Variants in WTAP observed in about 807,000 individuals in gnomAD.
WTAP encodes WT1 associated protein, also known as pre-mRNA-splicing regulator WTAP.
WTAP carries 8 observed loss-of-function variants against 50.0 expected under a neutral mutation model. That is an observed-to-expected ratio of 0.16 (90% CI 0.09 to 0.29). WTAP has a LOEUF of 0.29. WTAP is among the 10% of genes least tolerant of loss of function. WTAP has a pLI of 1.00. For missense variants in WTAP, 295 were observed against 470.7 expected, an observed-to-expected ratio of 0.63 and a Z score of 3.45; for synonymous variants, 194 against 169.0, an observed-to-expected ratio of 1.15 and a Z score of -1.15.
At chr6:159,741,231 G>A (rs1779237607) in intron 3 of WTAP, among the ~76,000 whole-genome samples, 1 of 152,140 alleles carries the variant, frequency 6.6e-6, no homozygotes, top group Non-Finnish European at 1.5e-5. Flanking sequence ...TCAGGGTAGA[G>A]AAGTATAATG....
intron 3 of WTAP, among the ~76,000 whole-genome samples, chr6:159,739,957 T>G (rs1779150250): frequency 6.6e-6 from 1 of 151,722 alleles, no homozygotes; most frequent in Admixed American, 6.6e-5. Flanking sequence ...TGTCTTATGC[T>G]GAAGTATATA....
chr6:159,750,904 G>A lies in WTAP; in HGVS notation c.452+2535G>A, dbSNP rs372629887. On this transcript the variant is annotated intron_variant, in intron 6 of 7. Coordinates refer to ENST00000621533, the MANE Select transcript of WTAP (RefSeq NM_001270531.2). ...TGCTTTGGGTTGCGTGCACGCGCAC[G>A]CACGTGTGTGTCTTCGCTTTACTGT... Among the ~76,000 whole-genome samples, 4 of 152,364 alleles carry A rather than the reference G, an allele frequency of 2.6e-5. No homozygotes were observed. In the South Asian group the frequency reaches 6.2e-4, roughly 24 times the overall value.
intron 1 of WTAP, among the ~76,000 whole-genome samples, chr6:159,733,428 G>A (rs1778710013): frequency 6.6e-6 from 1 of 150,940 alleles, no homozygotes; most frequent in African/African-American, 2.4e-5. Flanking sequence ...ACCAGCCTGG[G>A]CAGCATGGCG....
intron 7 of WTAP, among the ~76,000 whole-genome samples, chr6:159,754,818 C>G (rs1779945344): frequency 2.0e-5 from 3 of 152,094 alleles, no homozygotes; most frequent in Admixed American, 2.0e-4. Context: ...GGAGGGCCAA[C>G]TGTATATTAT....
Position 159,748,654 on chromosome 6 carries a change from A to G in WTAP, c.452+285A>G, listed in dbSNP as rs1779707746. On this transcript the variant is annotated intron_variant, in intron 6 of 7. Transcript: ENST00000621533. The surrounding 1 kb of genome is among the most constrained non-coding windows in gnomAD (Gnocchi z 5.6). The stretch of plus-strand genomic sequence containing the variant: ...CTCCGAAAAATTCCCCTTCTAGAAC[A>G]TGTAGACACTTGAGAAATGTTTCTG... 7.9e-6 allele frequency: 10 copies of G among 1,267,102 alleles called. No individual in the cohort carries two copies. Among genetic ancestry groups the G allele is most frequent in the African/African-American group, 1.5e-5 (1 of 65,450 alleles). 78.5% of individuals were successfully genotyped at this position (1,267,102 alleles called of 1,614,324 possible).
chr6:159,735,952 G>A (rs773549516), intron 1 of WTAP, among the ~76,000 whole-genome samples: 2 of 151,908 alleles, frequency 1.3e-5, no homozygotes, highest in East Asian at 3.9e-4. Flanking sequence ...CCTTTATGGC[G>A]ACATCAAATG....
chr6:159,751,442 T>C (rs2114954109), intron 6 of WTAP, among the ~76,000 whole-genome samples: 1 of 152,346 alleles, frequency 6.6e-6, no homozygotes, highest in East Asian at 1.9e-4. Flanking sequence ...TTTGAGAGCA[T>C]AGGCAGTAAA....
At position 159,755,777 on chromosome 6, in the gene WTAP, T is replaced by TC; in HGVS notation, c.*166_*167insC. On this transcript the variant is annotated 3_prime_UTR_variant, in exon 8 of 8. Transcript: ENST00000621533. ...TTTTTTTTCTTTTCTTTTTTTTTTTTTTTTTTTTTTTTTGCTTCAATACTT... is the reference window on the plus strand; with the variant it reads ...TTTTTTTTCTTTTCTTTTTTTTTTTTCTTTTTTTTTTTTTGCTTCAATACTT... 2 of 1,039,722 alleles carry TC rather than the reference T, an allele frequency of 1.9e-6. No individual in the cohort carries two copies. Among genetic ancestry groups the TC allele is most frequent in the Non-Finnish European group, 2.5e-6 (2 of 812,972 alleles). 64.4% of individuals were successfully genotyped at this position (1,039,722 alleles called of 1,614,324 possible). A position where few individuals can be genotyped will look rare whatever the true frequency, so the allele number is the denominator to read the frequency against.
Position 159,748,920 on chromosome 6 carries a change from CA to C in WTAP, c.452+555del, listed in dbSNP as rs1779718066. On this transcript the variant is annotated intron_variant, in intron 6 of 7. Transcript: ENST00000621533. This position sits in a 1 kb window ranked among gnomAD's most constrained non-coding sequence, Gnocchi z 5.6. ...CATGATTGTTGTTGAACTTCTGGGT[CA>C]AAACTCAAATGAGGTGAATTTTGCC... The C allele has an allele frequency of 1.7e-6, 2 of 1,154,924 alleles. No individual in the cohort carries two copies. Among genetic ancestry groups the C allele is most frequent in the South Asian group, 8.8e-5 (2 of 22,790 alleles). 71.5% of individuals were successfully genotyped at this position (1,154,924 alleles called of 1,614,324 possible).
rs1442374180 is a variant in WTAP, at chr6:159,727,570, G to C, written c.-142G>C. Reference sequence around the variant, plus strand: ...AAAGGGGAGCGCAGGGGTTGCGGCGGGACTAGGAGCGCGGCGGGGCCGGCG... The same window carrying C: ...AAAGGGGAGCGCAGGGGTTGCGGCGCGACTAGGAGCGCGGCGGGGCCGGCG... On this transcript the variant is annotated 5_prime_UTR_variant, in exon 1 of 8. Transcript: ENST00000621533. 1.0e-5 allele frequency: 10 copies of C among 987,394 alleles called. No individual in the cohort carries two copies. In the Admixed American group the frequency reaches 2.5e-4, roughly 24 times the overall value. The allele number at this position is 987,394 out of a possible 1,614,324, so 61.2% of individuals were successfully genotyped here.
chr6:159,755,264 T>G lies in WTAP; in HGVS notation c.844T>G (p.Ser282Ala). 6.2e-7 allele frequency: 1 copy of G among 1,614,038 alleles called. No homozygotes were observed. The highest frequency in any genetic ancestry group is 8.5e-7 in the Non-Finnish European group (1 of 1,180,020). ...GACAAACGGACCAAGTAATGGTAGCTCCTCCCGCCAGAGGACGTCTGGGTC... is the reference window on the plus strand; with the variant it reads ...GACAAACGGACCAAGTAATGGTAGCGCCTCCCGCCAGAGGACGTCTGGGTC... Reference protein sequence around the residue: ...RLTNGPSNGSSSRQRTSGSGF... With the variant: ...RLTNGPSNGSASRQRTSGSGF... The change falls in exon 8 of 8, where the codon TCC (serine) becomes GCC (alanine). Residue 282 changes from serine (S) to alanine (A), a missense_variant. Transcript: ENST00000621533.
At chr6:159,736,460 A>T in intron 2 of WTAP, 165 bp downstream of exon 2, 1 of 558,250 alleles carries the variant, frequency 1.8e-6, no homozygotes, top group Non-Finnish European at 3.2e-6. Context: ...AGTGTGCCAG[A>T]TATTGTATCT....
chr6:159,731,380 A>G (rs1285645243), intron 1 of WTAP, among the ~76,000 whole-genome samples: 1 of 151,798 alleles, frequency 6.6e-6, no homozygotes, highest in African/African-American at 2.4e-5. Context: ...AGGCAAGAGG[A>G]TCAGTTGAGC....
chr6:159,729,580 C>CTG (rs10643878), intron 1 of WTAP, among the ~76,000 whole-genome samples: 47,242 of 151,958 alleles, frequency 0.31, 8,555 homozygotes, highest in African/African-American at 0.51. Context: ...TTTGAAAAAT[C>CTG]TATAGCATTT....
At chr6:159,735,303 T>C (rs1016190322) in intron 1 of WTAP, among the ~76,000 whole-genome samples, 1 of 152,170 alleles carries the variant, frequency 6.6e-6, no homozygotes, top group African/African-American at 2.4e-5. Flanking sequence ...TACGCCGGGC[T>C]AATTTTTTTA....
intron 5 of WTAP, among the ~76,000 whole-genome samples, chr6:159,744,558 C>T (rs1435388758): frequency 6.6e-6 from 1 of 152,158 alleles, no homozygotes; most frequent in Non-Finnish European, 1.5e-5. Context: ...TAGAATGTTC[C>T]TTAAGGTTCA....
chr6:159,732,900 T>TA (rs775073749), intron 1 of WTAP, among the ~76,000 whole-genome samples: 22 of 52,608 alleles, frequency 4.2e-4, no homozygotes, highest in South Asian at 2.3e-3. Context: ...TGTGTGTGTG[T>TA]GTGTGTGTGT....
chr6:159,743,081 A>G (rs1779359822), intron 4 of WTAP, among the ~76,000 whole-genome samples: 1 of 152,158 alleles, frequency 6.6e-6, no homozygotes. Flanking sequence ...AGGGTCTCGC[A>G]CTGTTGCCCA....
intron 1 of WTAP, among the ~76,000 whole-genome samples, chr6:159,733,044 A>T (rs1778686015): frequency 6.6e-6 from 1 of 152,112 alleles, no homozygotes; most frequent in Non-Finnish European, 1.5e-5. Flanking sequence ...AGACATGTGG[A>T]GTTAAATATG....
Sources: gnomAD v4.1 joint callset for allele counts (sites outside exome capture counted in the v4.1 genomes callset) on GRCh38, gnomAD v4.1.1 for gene constraint, Gnocchi (gnomAD v3.1) non-coding constraint, MANE v1.5 for transcripts, NCBI Gene and HGNC (gene_info 2026-07-23, HGNC 2026-07-21) for gene names.